The following NXPH1 variants were observed in gnomAD, a reference collection of about 807,000 sequenced individuals.
NXPH1 encodes the protein neurexophilin 1, also known as neurexophilin-1.
NXPH1 carries 5 observed loss-of-function variants against 23.7 expected under a neutral mutation model. The observed-to-expected ratio is 0.21, with a 90% CI of 0.11 to 0.44. The LOEUF (loss-of-function observed/expected upper bound fraction) is 0.44, where lower values mean the gene tolerates loss of function less well. Among genes scored for constraint, NXPH1 ranks in the 20% least tolerant of loss-of-function variants. The pLI is 0.99. For missense variants in NXPH1, 324 were observed against 321.6 expected (o/e 1.01, Z -0.06); for synonymous variants, 144 against 122.2 (o/e 1.18, Z -1.18).
chr7:8,491,649 T>A (rs1817250036), intron 2 of NXPH1, among the ~76,000 whole-genome samples: 3 of 152,032 alleles, frequency 2.0e-5, no homozygotes, highest in Admixed American at 2.0e-4. Flanking sequence ...GGCTATCGTT[T>A]AGGCTGGCTT....
intron 2 of NXPH1, among the ~76,000 whole-genome samples, chr7:8,447,952 C>T (rs150468028): frequency 6.6e-6 from 1 of 152,208 alleles, no homozygotes; most frequent in Non-Finnish European, 1.5e-5. Flanking sequence ...CAGGTGTCAA[C>T]ACTGAATTCA....
intron 2 of NXPH1, among the ~76,000 whole-genome samples, chr7:8,504,479 G>A: frequency 6.6e-6 from 1 of 151,954 alleles, no homozygotes; most frequent in East Asian, 1.9e-4. Context: ...TGTAGAACAG[G>A]GAACTCACCT....
At chr7:8,693,166 C>T (rs56391330) in intron 2 of NXPH1, among the ~76,000 whole-genome samples, 58,098 of 151,808 alleles carry the variant, frequency 0.38, 11,412 homozygotes, top group East Asian at 0.44. Flanking sequence ...CAAGAAACAA[C>T]CCCCGCCGCC....
intron 2 of NXPH1, among the ~76,000 whole-genome samples, chr7:8,452,577 C>A (rs1008541087): frequency 2.6e-4 from 39 of 152,124 alleles, no homozygotes; most frequent in African/African-American, 8.9e-4. Context: ...TTTAATAGGT[C>A]AGATTATTCA....
At chr7:8,512,156 C>T (rs1241795814) in intron 2 of NXPH1, among the ~76,000 whole-genome samples, 2 of 152,112 alleles carry the variant, frequency 1.3e-5, no homozygotes, top group African/African-American at 4.8e-5. Context: ...TCTCCAAATA[C>T]AGCATTAAAA....
At chr7:8,515,140 C>G (rs1427685917) in intron 2 of NXPH1, among the ~76,000 whole-genome samples, 2 of 152,006 alleles carry the variant, frequency 1.3e-5, no homozygotes, top group East Asian at 3.9e-4. Flanking sequence ...CTAAAATGAC[C>G]TTTTAAAGGA....
At chr7:8,700,477 T>C (rs1460197421) in intron 2 of NXPH1, among the ~76,000 whole-genome samples, 3 of 152,144 alleles carry the variant, frequency 2.0e-5, no homozygotes, top group South Asian at 2.1e-4. Context: ...CTGTCATAAA[T>C]GCTTTACCTC....
chr7:8,466,606 T>A (rs1584173913), intron 2 of NXPH1, among the ~76,000 whole-genome samples: 1 of 152,300 alleles, frequency 6.6e-6, no homozygotes, highest in Admixed American at 6.5e-5. Context: ...ATTAACGTAT[T>A]CTTAGTTTTT....
intron 2 of NXPH1, among the ~76,000 whole-genome samples, chr7:8,484,885 T>A (rs1817132391): frequency 6.6e-6 from 1 of 152,176 alleles, no homozygotes; most frequent in Non-Finnish European, 1.5e-5. Context: ...ACTTAAGCAA[T>A]TTGCAAAATA....
In NXPH1 at chr7:8,751,177, G is replaced by C; in HGVS notation, c.224G>C (p.Arg75Thr). The C allele has an allele frequency of 1.2e-6, 2 of 1,613,834 alleles. No individual in the cohort carries two copies. Among genetic ancestry groups the C allele is most frequent in the Non-Finnish European group, 1.7e-6 (2 of 1,179,822 alleles). Reference sequence around the variant, plus strand: ...GAGAATGATACAGATTTGGACCTGAGATATGACACCCCAGAACCTTATTCT... The same window carrying C: ...GAGAATGATACAGATTTGGACCTGACATATGACACCCCAGAACCTTATTCT... ...GKENDTDLDL[R>T]YDTPEPYSEQ... The change falls in exon 3 of 3, where the codon AGA becomes ACA. Residue 75 changes from arginine to threonine, a missense_variant. By Grantham distance (71) the Arg-to-Thr change is moderately conservative (BLOSUM62 -1). Coordinates refer to ENST00000405863, the MANE Select transcript of NXPH1 (RefSeq NM_152745.3). This position sits in a 1 kb window ranked among gnomAD's most constrained non-coding sequence, Gnocchi z 4.5.
intron 2 of NXPH1, among the ~76,000 whole-genome samples, chr7:8,650,387 T>G (rs905729917): frequency 1.3e-5 from 2 of 152,222 alleles, no homozygotes; most frequent in Non-Finnish European, 2.9e-5. Context: ...TTATGTGATT[T>G]TTATAACATT....
intron 2 of NXPH1, among the ~76,000 whole-genome samples, chr7:8,717,038 A>C (rs1253036668): frequency 6.6e-6 from 1 of 152,208 alleles, no homozygotes; most frequent in Non-Finnish European, 1.5e-5. Context: ...ACCCCAAGAA[A>C]TAACATGCAA....
intron 2 of NXPH1, among the ~76,000 whole-genome samples, chr7:8,473,312 A>G (rs1381393305): frequency 6.6e-6 from 1 of 152,146 alleles, no homozygotes; most frequent in Non-Finnish European, 1.5e-5. Context: ...GTTTCAATGC[A>G]TTACACCCAG....
intron 2 of NXPH1, among the ~76,000 whole-genome samples, chr7:8,584,681 A>G (rs1160871557): frequency 6.6e-6 from 1 of 152,228 alleles, no homozygotes; most frequent in East Asian, 1.9e-4. Context: ...TAGATCCTTA[A>G]CCACTGATTC....
intron 2 of NXPH1, among the ~76,000 whole-genome samples, chr7:8,501,143 C>G (rs996547758): frequency 6.6e-6 from 1 of 152,016 alleles, no homozygotes; most frequent in Non-Finnish European, 1.5e-5. Flanking sequence ...GTCACAGATA[C>G]GATTTTTGTC....
chr7:8,628,889 G>A (rs28711899), intron 2 of NXPH1, among the ~76,000 whole-genome samples: 48,735 of 150,714 alleles, frequency 0.32, 8,165 homozygotes, highest in African/African-American at 0.41. Context: ...GCCAGACCCC[G>A]TATGGGGTTG....
At chr7:8,481,643 C>T (rs1817074658) in intron 2 of NXPH1, among the ~76,000 whole-genome samples, 2 of 152,080 alleles carry the variant, frequency 1.3e-5, no homozygotes, top group African/African-American at 4.8e-5. Flanking sequence ...AATGCTTTAT[C>T]TTGCTTTAAT....
chr7:8,590,408 C>A (rs1819067326), intron 2 of NXPH1, among the ~76,000 whole-genome samples: 1 of 152,054 alleles, frequency 6.6e-6, no homozygotes, highest in African/African-American at 2.4e-5. Flanking sequence ...ACTGGCCAAG[C>A]TCTTTTTAGA....
intron 2 of NXPH1, among the ~76,000 whole-genome samples, chr7:8,702,287 G>A (rs1302151668): frequency 6.6e-6 from 1 of 152,014 alleles, no homozygotes; most frequent in African/African-American, 2.4e-5. Flanking sequence ...TTGCATACAT[G>A]TATTGAAACA....
Sources: allele counts gnomAD v4.1 joint callset (sites outside exome capture counted in the v4.1 genomes callset), GRCh38; gene constraint gnomAD v4.1.1; non-coding constraint Gnocchi (gnomAD v3.1); transcripts MANE v1.5; gene names NCBI Gene and HGNC (gene_info 2026-07-23, HGNC 2026-07-21).